The following ST6GALNAC3 variants were observed in gnomAD, a reference collection of about 807,000 sequenced individuals.
ST6GALNAC3 encodes ST6 N-acetylgalactosaminide alpha-2,6-sialyltransferase 3.
A neutral mutation model predicts 32.7 loss-of-function variants in ST6GALNAC3; 25 were observed. The ratio of observed to expected loss-of-function variants is 0.76; its 90% CI spans 0.56 to 1.07. The LOEUF (loss-of-function observed/expected upper bound fraction) is 1.07. ST6GALNAC3 is among the 50% of genes least tolerant of loss of function. The probability of loss-of-function intolerance (pLI) is 0.00; values close to 1 mark genes in which losing one functional copy is unlikely to be tolerated. For synonymous variants in ST6GALNAC3, 129 were observed against 133.1 expected, an observed-to-expected ratio of 0.97 and a Z score of 0.21; for missense variants, 355 against 382.4, an observed-to-expected ratio of 0.93 and a Z score of 0.60.
At chr1:76,505,506 A>T (rs112124398) in intron 3 of ST6GALNAC3, among the ~76,000 whole-genome samples, 85 of 152,194 alleles carry the variant, frequency 5.6e-4, no homozygotes, top group African/African-American at 2.0e-3. Context: ...ATCATCAATT[A>T]TTGACACCAC....
chr1:76,534,819 A>C (rs1401943666), intron 3 of ST6GALNAC3, among the ~76,000 whole-genome samples: 1 of 152,134 alleles, frequency 6.6e-6, no homozygotes, highest in African/African-American at 2.4e-5. Flanking sequence ...GAAGAAAATG[A>C]TTGTCTCACC....
At chr1:76,183,046 G>A (rs1486347317) in intron 1 of ST6GALNAC3, among the ~76,000 whole-genome samples, 1 of 152,106 alleles carries the variant, frequency 6.6e-6, no homozygotes, top group Non-Finnish European at 1.5e-5. Flanking sequence ...GTCTAATGCA[G>A]TTCTAATGCA....
At chr1:76,472,967 G>A (rs911345486) in intron 3 of ST6GALNAC3, among the ~76,000 whole-genome samples, 4 of 152,084 alleles carry the variant, frequency 2.6e-5, no homozygotes, top group Non-Finnish European at 5.9e-5. Flanking sequence ...AGTGCTGAAA[G>A]GCGAGTGAGG....
At chr1:76,267,773 A>C (rs1320008784) in intron 1 of ST6GALNAC3, among the ~76,000 whole-genome samples, 2 of 152,224 alleles carry the variant, frequency 1.3e-5, no homozygotes, top group African/African-American at 4.8e-5. Flanking sequence ...TGTGAATGGA[A>C]AGCAGCTGAT....
chr1:76,109,095 T>A (rs1194263094), intron 1 of ST6GALNAC3, among the ~76,000 whole-genome samples: 1 of 152,152 alleles, frequency 6.6e-6, no homozygotes, highest in Admixed American at 6.5e-5. Context: ...GAATCTTACA[T>A]AACTTGGAGT....
intron 1 of ST6GALNAC3, among the ~76,000 whole-genome samples, chr1:76,153,642 GT>G (rs1214616938): frequency 1.4e-4 from 22 of 152,274 alleles, no homozygotes; most frequent in African/African-American, 5.1e-4. Context: ...ATTTTTCTGT[GT>G]TTTGCTGTTG....
intron 3 of ST6GALNAC3, among the ~76,000 whole-genome samples, chr1:76,606,099 C>T (rs552284963): frequency 8.5e-5 from 13 of 152,130 alleles, no homozygotes; most frequent in East Asian, 1.9e-4. Flanking sequence ...GAAATAGGAA[C>T]GCTTTTACAC....
At chr1:76,328,936 A>T (rs1334999617) in intron 2 of ST6GALNAC3, among the ~76,000 whole-genome samples, 2 of 151,986 alleles carry the variant, frequency 1.3e-5, no homozygotes, top group Non-Finnish European at 2.9e-5. Context: ...TCCAGAATTT[A>T]TTTTTTATTT....
chr1:76,364,190 C>T (rs574143301), intron 2 of ST6GALNAC3, among the ~76,000 whole-genome samples: 1 of 152,300 alleles, frequency 6.6e-6, no homozygotes, highest in South Asian at 2.1e-4. Context: ...GTGAATGACT[C>T]TTTATCTCCT....
At chr1:76,111,952 A>G (rs1244374906) in intron 1 of ST6GALNAC3, among the ~76,000 whole-genome samples, 1 of 152,108 alleles carries the variant, frequency 6.6e-6, no homozygotes, top group African/African-American at 2.4e-5. Flanking sequence ...TGAGCTGTTG[A>G]GTACACCTCC....
At chr1:76,521,321 A>G (rs1026296423) in intron 3 of ST6GALNAC3, among the ~76,000 whole-genome samples, 4 of 151,970 alleles carry the variant, frequency 2.6e-5, no homozygotes, top group Non-Finnish European at 5.9e-5. Flanking sequence ...GCGCGTACAT[A>G]CATGCATATA....
intron 3 of ST6GALNAC3, among the ~76,000 whole-genome samples, chr1:76,597,066 G>C (rs552662415): frequency 6.6e-6 from 1 of 152,286 alleles, no homozygotes; most frequent in South Asian, 2.1e-4. Flanking sequence ...GAGTCTAAAA[G>C]CATAAACCAG....
chr1:76,522,862 C>T (rs1662635061), intron 3 of ST6GALNAC3, among the ~76,000 whole-genome samples: 1 of 152,190 alleles, frequency 6.6e-6, no homozygotes, highest in Admixed American at 6.5e-5. Flanking sequence ...TGTTGGTTCA[C>T]ATCATTGGTG....
chr1:76,544,296 A>G (rs998703646), intron 3 of ST6GALNAC3, among the ~76,000 whole-genome samples: 3 of 152,124 alleles, frequency 2.0e-5, no homozygotes, highest in African/African-American at 7.2e-5. Flanking sequence ...AGTAATAAAA[A>G]GTAACTAAGG....
intron 1 of ST6GALNAC3, among the ~76,000 whole-genome samples, chr1:76,143,359 C>T (rs1367695654): frequency 6.6e-6 from 1 of 151,526 alleles, no homozygotes; most frequent in Non-Finnish European, 1.5e-5. Flanking sequence ...CAAAAGTACT[C>T]TCCCAGGACC....
intron 2 of ST6GALNAC3, among the ~76,000 whole-genome samples, chr1:76,343,452 G>T (rs1268891977): frequency 6.6e-6 from 1 of 152,180 alleles, no homozygotes; most frequent in Non-Finnish European, 1.5e-5. Flanking sequence ...AAAATGAAAA[G>T]ACCGTCGGAT....
intron 1 of ST6GALNAC3, among the ~76,000 whole-genome samples, chr1:76,169,591 G>GAATA (rs1389465694): frequency 6.6e-6 from 1 of 152,086 alleles, no homozygotes; most frequent in East Asian, 1.9e-4. Context: ...TCAGGGACAT[G>GAATA]AATATGTCAT....
At chr1:76,129,946 A>G (rs963646378) in intron 1 of ST6GALNAC3, among the ~76,000 whole-genome samples, 4 of 152,082 alleles carry the variant, frequency 2.6e-5, no homozygotes, top group Middle Eastern at 3.2e-3. Flanking sequence ...TGGGAATTGC[A>G]CTGCATTCTT....
intron 1 of ST6GALNAC3, among the ~76,000 whole-genome samples, chr1:76,276,855 T>C (rs1570662288): frequency 6.6e-6 from 1 of 152,230 alleles, no homozygotes; most frequent in African/African-American, 2.4e-5. Context: ...AGTTGTCAAA[T>C]TGGTGTGTAT....
Sources: allele counts gnomAD v4.1 joint callset (sites outside exome capture counted in the v4.1 genomes callset), GRCh38; gene constraint gnomAD v4.1.1; transcripts MANE v1.5; gene names NCBI Gene and HGNC (gene_info 2026-07-23, HGNC 2026-07-21).